PHACTR1: variants seen among roughly 807,000 people sequenced by gnomAD.
The protein encoded by PHACTR1 is phosphatase and actin regulator 1.
Under a neutral mutation model 69.2 loss-of-function variants are expected in PHACTR1, and 16 were observed. The ratio of observed to expected loss-of-function variants is 0.23; its 90% CI spans 0.16 to 0.35. PHACTR1 has a LOEUF of 0.35. Ranked by LOEUF, PHACTR1 falls within the 10% of genes least tolerant of loss-of-function variation. The probability of loss-of-function intolerance (pLI) is 1.00; values close to 1 mark genes in which losing one functional copy is unlikely to be tolerated. For synonymous variants in PHACTR1, 312 were observed against 284.5 expected (o/e 1.10, Z -0.97); for missense variants, 510 against 734.7 (o/e 0.69, Z 3.54).
At chr6:13,071,358 G>A (rs1220543159) in intron 5 of PHACTR1, among the ~76,000 whole-genome samples, 3 of 152,086 alleles carry the variant, frequency 2.0e-5, no homozygotes, top group African/African-American at 4.8e-5. Flanking sequence ...AACCTGGGAG[G>A]CAGAGGTTGC....
chr6:12,908,685 C>T (rs1161928461), intron 4 of PHACTR1, among the ~76,000 whole-genome samples: 1 of 152,058 alleles, frequency 6.6e-6, no homozygotes, highest in African/African-American at 2.4e-5. Flanking sequence ...TCTGTGTGGT[C>T]CTCCACAAAG....
At position 13,275,682 on chromosome 6, in the gene PHACTR1, G is replaced by C. The variant is rs202045; in HGVS notation, c.1448-2586G>C. On this transcript the variant is annotated intron_variant, in intron 11 of 14. Transcript: ENST00000332995. This position sits in a 1 kb window ranked among gnomAD's most constrained non-coding sequence, Gnocchi z 4.0. ...TGACTGGCCACTTAACACCCCTGAG[G>C]CTTCAGATCCTCAGTTATAAACCAG... is the stretch of plus-strand genomic sequence containing the variant. 118,642 of 152,032 alleles carry C rather than the reference G, an allele frequency of 0.78. 46,915 individuals carry two copies. Among genetic ancestry groups the C allele is most frequent in the Admixed American group, 0.85 (13,001 of 15,280 alleles). The allele number at this position is 152,032 out of a possible 1,614,324, so 9.4% of individuals were successfully genotyped here.
At chr6:12,719,526 T>G (rs1761840312) in intron 3 of PHACTR1, among the ~76,000 whole-genome samples, 2 of 152,140 alleles carry the variant, frequency 1.3e-5, no homozygotes, top group Admixed American at 1.3e-4. Flanking sequence ...TTTTCACATA[T>G]TTTCTGTTTT....
rs764540383 is a variant in PHACTR1, at chr6:13,287,496, G to C, written c.*418G>C. Reference sequence around the variant, plus strand: ...AGCTGAAGGGGTGGGTTTGTTTTGGGGGTACTGTGCAAAGCTAATGATCTG... The same window carrying C: ...AGCTGAAGGGGTGGGTTTGTTTTGGCGGTACTGTGCAAAGCTAATGATCTG... On this transcript the variant is annotated 3_prime_UTR_variant, in exon 15 of 15. Transcript: ENST00000332995. 1 of 219,568 alleles carries C rather than the reference G, an allele frequency of 4.6e-6. No individual in the cohort carries two copies. The highest frequency in any genetic ancestry group is 9.1e-6 in the Non-Finnish European group (1 of 109,354). The allele number at this position is 219,568 out of a possible 1,614,324, so 13.6% of individuals were successfully genotyped here. A position where few individuals can be genotyped will look rare whatever the true frequency, so the allele number is the denominator to read the frequency against.
chr6:12,836,171 G>A (rs1778138864), intron 4 of PHACTR1, among the ~76,000 whole-genome samples: 1 of 152,134 alleles, frequency 6.6e-6, no homozygotes. Context: ...GACTTCTAAA[G>A]TCATCAGAAA....
At chr6:13,171,137 A>G (rs905961007) in intron 6 of PHACTR1, among the ~76,000 whole-genome samples, 6 of 151,274 alleles carry the variant, frequency 4.0e-5, no homozygotes, top group Admixed American at 3.3e-4. Context: ...CTCTCCTTTC[A>G]TGCTTTTCTC....
intron 4 of PHACTR1, among the ~76,000 whole-genome samples, chr6:12,946,312 C>T (rs7749813): frequency 5.3e-4 from 81 of 152,158 alleles, no homozygotes; most frequent in African/African-American, 1.8e-3. Flanking sequence ...TGCTAAACAA[C>T]TTGAACATTA....
At chr6:13,193,368 T>TATATATATATAC (rs1763886638) in intron 7 of PHACTR1, among the ~76,000 whole-genome samples, 1 of 104,496 alleles carries the variant, frequency 9.6e-6, no homozygotes, top group Admixed American at 9.5e-5. Flanking sequence ...TATATATATA[T>TATATATATATAC]ATATATATAT....
intron 4 of PHACTR1, among the ~76,000 whole-genome samples, chr6:12,827,885 G>T (rs1397743896): frequency 4.6e-5 from 7 of 152,172 alleles, no homozygotes; most frequent in Admixed American, 6.5e-5. Flanking sequence ...GAGGGTGAGG[G>T]GGGGTGAAGC....
At chr6:12,764,505 A>T (rs1163417704) in intron 4 of PHACTR1, among the ~76,000 whole-genome samples, 1 of 152,174 alleles carries the variant, frequency 6.6e-6, no homozygotes, top group Non-Finnish European at 1.5e-5. Flanking sequence ...GGGTTCATAA[A>T]AACATTATTA....
chr6:12,893,898 CTG>C (rs1279922042), intron 4 of PHACTR1, among the ~76,000 whole-genome samples: 2 of 152,214 alleles, frequency 1.3e-5, no homozygotes, highest in African/African-American at 4.8e-5. Context: ...CTCTATGTAA[CTG>C]ATGTCAGCTG....
rs1355877929 is a variant in PHACTR1, at chr6:13,136,157, A to T, written c.416-24047A>T. Among the ~76,000 whole-genome samples, 2 of 151,712 alleles carry T rather than the reference A, an allele frequency of 1.3e-5. 1 individual carries two copies. Among genetic ancestry groups the T allele is most frequent in the East Asian group, 3.9e-4 (2 of 5,182 alleles). On this transcript the variant is annotated intron_variant, in intron 5 of 14. Transcript: ENST00000332995. ...CTGGAATTTTCCATCATGTTTTTTG[A>T]CCCAAAAGTATTCTATAAAATGAAC... is the stretch of plus-strand genomic sequence containing the variant.
chr6:12,840,229 C>A lies in PHACTR1; in HGVS notation c.250+90439C>A, dbSNP rs1163840200. Among the ~76,000 whole-genome samples, 4 of 152,142 alleles carry A rather than the reference C, an allele frequency of 2.6e-5. No homozygotes were observed. In the East Asian group the frequency reaches 5.8e-4, roughly 22 times the overall value. On this transcript the variant is annotated intron_variant, in intron 4 of 14. Coordinates refer to ENST00000332995, the MANE Select transcript of PHACTR1 (RefSeq NM_030948.6). ...GATCACTGACTTTGAAAATTATTTT[C>A]AAAAATATAAACCATTTGTATTTTA...
At chr6:12,859,974 TAAG>T (rs1277408153) in intron 4 of PHACTR1, among the ~76,000 whole-genome samples, 1 of 145,580 alleles carries the variant, frequency 6.9e-6, no homozygotes, top group Non-Finnish European at 1.5e-5. Context: ...ACTAATGGCT[TAAG>T]AAGGACATCT....
chr6:12,736,540 C>A (rs1449881930), intron 3 of PHACTR1, among the ~76,000 whole-genome samples: 1 of 152,150 alleles, frequency 6.6e-6, no homozygotes, highest in East Asian at 1.9e-4. Flanking sequence ...TGGGCAATAT[C>A]TATGGGCAAA....
chr6:12,858,394 T>C (rs575513023), intron 4 of PHACTR1, among the ~76,000 whole-genome samples: 2 of 152,342 alleles, frequency 1.3e-5, no homozygotes, highest in East Asian at 3.9e-4. Flanking sequence ...GCCCTAGTTA[T>C]TTACACTTTC....
At chr6:12,937,520 A>G (rs1361171598) in intron 4 of PHACTR1, among the ~76,000 whole-genome samples, 1 of 152,166 alleles carries the variant, frequency 6.6e-6, no homozygotes, top group Non-Finnish European at 1.5e-5. Context: ...CCCTAGCCTC[A>G]GAGGGCTTAT....
At chr6:12,757,886 C>T (rs890590738) in intron 4 of PHACTR1, among the ~76,000 whole-genome samples, 103 of 152,072 alleles carry the variant, frequency 6.8e-4, no homozygotes, top group African/African-American at 5.1e-4. Flanking sequence ...CCAAGGTGGG[C>T]GGATCACCTG....
Position 13,028,679 on chromosome 6 carries a change from G to A in PHACTR1, c.251-24686G>A, listed in dbSNP as rs573499334. 2.0e-5 allele frequency among the ~76,000 whole-genome samples: 3 copies of A among 152,276 alleles called. No homozygotes were observed. In the East Asian group the frequency reaches 5.8e-4, roughly 29 times the overall value. ...TTGTAGGATGTTTAGCAGCATGCCT[G>A]GACTCTACCCACTAGATGCCAGTAG... On this transcript the variant is annotated intron_variant, in intron 4 of 14. Transcript: ENST00000332995.
Sources: allele counts gnomAD v4.1 joint callset (sites outside exome capture counted in the v4.1 genomes callset), GRCh38; gene constraint gnomAD v4.1.1; non-coding constraint Gnocchi (gnomAD v3.1); transcripts MANE v1.5; gene names NCBI Gene and HGNC (gene_info 2026-07-23, HGNC 2026-07-21).